The following TMPRSS15 variants were observed in gnomAD, a reference collection of about 807,000 sequenced individuals.
TMPRSS15 encodes enteropeptidase.
Under a neutral mutation model 125.3 loss-of-function variants are expected in TMPRSS15, and 128 were observed. That is an observed-to-expected ratio of 1.02 (90% CI 0.89 to 1.18). The LOEUF is 1.18. Among genes scored for constraint, TMPRSS15 ranks in the 50% most tolerant of loss-of-function variants. The pLI is 0.00. For missense variants in TMPRSS15, 1,283 were observed against 1,212.7 expected (o/e 1.06, Z -0.86); for synonymous variants, 446 against 423.2 (o/e 1.05, Z -0.66).
intron 1 of TMPRSS15, among the ~76,000 whole-genome samples, chr21:18,398,879 C>T (rs1331070463): frequency 6.6e-6 from 1 of 151,960 alleles, no homozygotes; most frequent in African/African-American, 2.4e-5. Flanking sequence ...GCATGCATGA[C>T]CTTGTGCCAT....
intron 6 of TMPRSS15, among the ~76,000 whole-genome samples, chr21:18,367,893 T>C (rs2075753833): frequency 6.6e-6 from 1 of 152,122 alleles, no homozygotes; most frequent in Non-Finnish European, 1.5e-5. Flanking sequence ...TGTGGTATAT[T>C]GCCTAATATC....
chr21:18,418,466 C>T (rs936858582), intron 1 of TMPRSS15, among the ~76,000 whole-genome samples: 1 of 152,144 alleles, frequency 6.6e-6, no homozygotes, highest in African/African-American at 2.4e-5. Context: ...GTGTTATCTG[C>T]CTCTCTACAT....
chr21:18,341,632 C>A, intron 12 of TMPRSS15, 84 bp from the exon 13 acceptor site: 2 of 1,418,816 alleles, frequency 1.4e-6, no homozygotes, highest in South Asian at 2.3e-5. Context: ...CCAAGAGATT[C>A]AATATTGTCT....
chr21:18,282,097 C>CAAA (rs954911028), intron 21 of TMPRSS15, among the ~76,000 whole-genome samples: 14 of 24,950 alleles, frequency 5.6e-4, no homozygotes, highest in African/African-American at 9.6e-4. Flanking sequence ...GACTCCGCCT[C>CAAA]AAAAAAAAAA....
At chr21:18,300,399 T>TG (rs1568992382) in intron 18 of TMPRSS15, among the ~76,000 whole-genome samples, 2 of 150,426 alleles carry the variant, frequency 1.3e-5, no homozygotes, top group Non-Finnish European at 1.5e-5. Context: ...TGGAGTGCAG[T>TG]GGCTCAATCT....
At chr21:18,456,022 G>A (rs1388534447) in intron 1 of TMPRSS15, among the ~76,000 whole-genome samples, 1 of 152,086 alleles carries the variant, frequency 6.6e-6, no homozygotes, top group Non-Finnish European at 1.5e-5. Context: ...AATAAATTCC[G>A]TGAGTAAAAT....
At chr21:18,330,534 C>T (rs2075334318) in intron 14 of TMPRSS15, among the ~76,000 whole-genome samples, 1 of 152,132 alleles carries the variant, frequency 6.6e-6, no homozygotes, top group Admixed American at 6.5e-5. Flanking sequence ...CCACAGAGTC[C>T]TGCCTTTACC....
intron 1 of TMPRSS15, among the ~76,000 whole-genome samples, chr21:18,428,735 C>T (rs1483280462): frequency 6.6e-6 from 1 of 152,096 alleles, no homozygotes; most frequent in East Asian, 1.9e-4. Flanking sequence ...TATGGAAATA[C>T]CTGGATGTCC....
intron 13 of TMPRSS15, among the ~76,000 whole-genome samples, chr21:18,337,296 A>T (rs954483626): frequency 4.6e-5 from 7 of 152,334 alleles, no homozygotes; most frequent in Middle Eastern, 3.4e-3. Context: ...TGAAATATTT[A>T]ATACTATAGC....
Position 18,294,376 on chromosome 21 carries a change from C to T in TMPRSS15, c.2380G>A (p.Gly794Arg). The T allele has an allele frequency of 6.2e-7, 1 of 1,614,262 alleles. No homozygotes were observed. The highest frequency in any genetic ancestry group is 1.3e-5 in the African/African-American group (1 of 75,076). The change falls in exon 21 of 25, where the codon GGG becomes AGG. Residue 794 changes from glycine (G) to arginine (R), a missense_variant. Gly to Arg is a moderately radical substitution (Grantham distance 125, BLOSUM62 -2). Transcript: ENST00000284885. ...AGACCCACAACCCAGGGCCAGGCCC[C>T]TTCTTTGGCATTACTTCCTCCAACA... ...KIVGGSNAKE[G>R]AWPWVVGLYY...
At chr21:18,446,463 C>T (rs987739477) in intron 1 of TMPRSS15, among the ~76,000 whole-genome samples, 37 of 152,032 alleles carry the variant, frequency 2.4e-4, no homozygotes, top group Non-Finnish European at 3.2e-4. Flanking sequence ...TAAATTTATA[C>T]GGAACCACAA....
At chr21:18,337,489 A>G (rs917321438) in intron 13 of TMPRSS15, among the ~76,000 whole-genome samples, 18 of 152,344 alleles carry the variant, frequency 1.2e-4, no homozygotes, top group Admixed American at 6.5e-4. Flanking sequence ...TTATTCTCTT[A>G]AAGTGTACTC....
At chr21:18,318,878 G>C (rs991224914) in intron 16 of TMPRSS15, among the ~76,000 whole-genome samples, 4 of 152,052 alleles carry the variant, frequency 2.6e-5, no homozygotes, top group South Asian at 2.1e-4. Context: ...CCAGGTCTTG[G>C]TGAAATGTCT....
intron 1 of TMPRSS15, 47 bp from the exon 2 acceptor site, chr21:18,398,376 T>C (rs1203423585): frequency 6.3e-7 from 1 of 1,588,284 alleles, no homozygotes; most frequent in Non-Finnish European, 8.6e-7. Flanking sequence ...GGATTATGAG[T>C]AGGAGAAAAT....
intron 6 of TMPRSS15, among the ~76,000 whole-genome samples, chr21:18,367,447 T>C (rs1009906122): frequency 6.6e-6 from 1 of 152,176 alleles, no homozygotes; most frequent in Non-Finnish European, 1.5e-5. Context: ...CTGTAAACCA[T>C]GCCAAACAAG....
At chr21:18,442,783 G>T (rs1180159797) in intron 1 of TMPRSS15, among the ~76,000 whole-genome samples, 2 of 152,112 alleles carry the variant, frequency 1.3e-5, no homozygotes, top group African/African-American at 2.4e-5. Context: ...TTATTATGAT[G>T]ATTTCATTCT....
chr21:18,378,256 T>C (rs1199671168), intron 5 of TMPRSS15, among the ~76,000 whole-genome samples: 1 of 152,098 alleles, frequency 6.6e-6, no homozygotes, highest in African/African-American at 2.4e-5. Context: ...GGAAGGGGAT[T>C]TGAGAGGCTG....
At chr21:18,282,042 G>C (rs1343507797) in intron 21 of TMPRSS15, among the ~76,000 whole-genome samples, 1 of 136,426 alleles carries the variant, frequency 7.3e-6, no homozygotes, top group African/African-American at 2.8e-5. Flanking sequence ...AGCTTGCAGT[G>C]AGCCGAGATT....
At chr21:18,457,085 C>G (rs1256878896) in intron 1 of TMPRSS15, among the ~76,000 whole-genome samples, 1 of 152,040 alleles carries the variant, frequency 6.6e-6, no homozygotes, top group Admixed American at 6.6e-5. Flanking sequence ...AAGTACTTGA[C>G]CTATCTAAGC....
Sources: gnomAD v4.1 joint callset for allele counts (sites outside exome capture counted in the v4.1 genomes callset) on GRCh38, gnomAD v4.1.1 for gene constraint, MANE v1.5 for transcripts, NCBI Gene and HGNC (gene_info 2026-07-23, HGNC 2026-07-21) for gene names.